The following HECW1 variants were observed in gnomAD, a reference collection of about 807,000 sequenced individuals.
The protein encoded by HECW1 is HECT, C2 and WW domain containing E3 ubiquitin protein ligase 1.
Under a neutral mutation model 182.3 loss-of-function variants are expected in HECW1, and 61 were observed. The ratio of observed to expected loss-of-function variants is 0.33; its 90% CI spans 0.27 to 0.41. The LOEUF (loss-of-function observed/expected upper bound fraction) is 0.41. HECW1 is among the 10% of genes least tolerant of loss of function. HECW1 has a pLI of 1.00. For missense variants in HECW1, 1,739 were observed against 2,108.9 expected (o/e 0.82, Z 3.44); for synonymous variants, 859 against 832.6 (o/e 1.03, Z -0.55).
chr7:43,541,669 A>G (rs1248345598), intron 25 of HECW1, among the ~76,000 whole-genome samples, 200 bp from the exon 26 acceptor site: 2 of 152,226 alleles, frequency 1.3e-5, no homozygotes, highest in East Asian at 3.8e-4. Flanking sequence ...ATTGTAAACA[A>G]TTTCACATTT....
intron 2 of HECW1, among the ~76,000 whole-genome samples, chr7:43,190,443 G>A (rs534706259): frequency 1.3e-5 from 2 of 152,268 alleles, no homozygotes; most frequent in South Asian, 4.1e-4. Flanking sequence ...AGTAGGGAAG[G>A]GGAGGGATAA....
intron 21 of HECW1, among the ~76,000 whole-genome samples, chr7:43,505,562 C>A (rs1009301600): frequency 2.0e-5 from 3 of 152,202 alleles, no homozygotes; most frequent in Admixed American, 2.0e-4. Context: ...ACCTCTCAGG[C>A]CTTGTTTTTG....
Position 43,554,636 on chromosome 7 carries a change from G to A in HECW1, c.4555G>A (p.Val1519Met), listed in dbSNP as rs765857149. Reference protein sequence around the residue: ...HLVIRWFWAAVERFNNEQRLR... With the variant: ...HLVIRWFWAAMERFNNEQRLR... The stretch of plus-strand genomic sequence containing the variant: ...TGTGATCCGCTGGTTCTGGGCTGCG[G>A]TGGAGCGCTTCAATAATGAGCAGAG... Residue 1519 changes from valine to methionine, a missense_variant, in exon 29 of 30, where the codon GTG (valine) becomes ATG (methionine). This residue lies in a region of HECW1 where 420 missense variants were observed against 595.7 expected (regional missense o/e 0.71). Transcript: ENST00000395891. The A allele has an allele frequency of 8.7e-6, 14 of 1,613,820 alleles. No individual in the cohort carries two copies. The highest frequency in any genetic ancestry group is 1.7e-5 in the Admixed American group (1 of 60,002).
intron 4 of HECW1, among the ~76,000 whole-genome samples, chr7:43,317,461 C>T (rs1248022091): frequency 1.3e-5 from 2 of 152,250 alleles, no homozygotes; most frequent in Non-Finnish European, 2.9e-5. Context: ...ATTCCAGAGG[C>T]CCTGCCTAGA....
rs568693911 is a variant in HECW1, at chr7:43,242,933, G to A, written c.-31-942G>A. Among the ~76,000 whole-genome samples the A allele has an allele frequency of 2.0e-4, 31 of 152,142 alleles. No individual in the cohort carries two copies. In the South Asian group the frequency reaches 2.5e-3, roughly 12 times the overall value. On this transcript the variant is annotated intron_variant, in intron 2 of 29. Transcript: ENST00000395891. ...AGTACGTAGATGTTGAATTCTCTCCGTCTTCTATTCAGATCTGCTTGGACC... is the reference window on the plus strand; with the variant it reads ...AGTACGTAGATGTTGAATTCTCTCCATCTTCTATTCAGATCTGCTTGGACC...
chr7:43,253,833 G>A (rs1800288511), intron 3 of HECW1, among the ~76,000 whole-genome samples: 1 of 152,164 alleles, frequency 6.6e-6, no homozygotes, highest in Non-Finnish European at 1.5e-5. Context: ...GCCTGAACCT[G>A]GAAGGCAGAG....
Position 43,536,067 on chromosome 7 carries a change from C to A in HECW1, c.4020-5096C>A, listed in dbSNP as rs1373453449. Among the ~76,000 whole-genome samples, 5 of 152,260 alleles carry A rather than the reference C, an allele frequency of 3.3e-5. No homozygotes were observed. The East Asian group carries it at 9.6e-4, about 29-fold the overall frequency. ...ACCATGAACTGTCTGTGCTCTTCAT[C>A]TGAAGGAAAACAGAGCATGCTTTCC... On this transcript the variant is annotated intron_variant, in intron 24 of 29. Transcript: ENST00000395891.
At chr7:43,504,174 C>T (rs1309443282) in intron 21 of HECW1, among the ~76,000 whole-genome samples, 1 of 152,210 alleles carries the variant, frequency 6.6e-6, no homozygotes, top group Non-Finnish European at 1.5e-5. Flanking sequence ...TCCTGGATGA[C>T]TTCAACATCG....
intron 5 of HECW1, among the ~76,000 whole-genome samples, chr7:43,324,173 G>A (rs1810493453): frequency 6.6e-6 from 1 of 152,218 alleles, no homozygotes; most frequent in African/African-American, 2.4e-5. Flanking sequence ...GACTAGCAAT[G>A]TCCCAGTGTT....
At chr7:43,392,984 G>A (rs908836490) in intron 6 of HECW1, among the ~76,000 whole-genome samples, 3 of 152,124 alleles carry the variant, frequency 2.0e-5, no homozygotes, top group Non-Finnish European at 4.4e-5. Context: ...ATGAGAATGA[G>A]AGTAGGAGAG....
chr7:43,481,716 G>T (rs2078440713), intron 17 of HECW1, among the ~76,000 whole-genome samples: 1 of 152,062 alleles, frequency 6.6e-6, no homozygotes, highest in African/African-American at 2.4e-5. Flanking sequence ...CAGGTGTGAT[G>T]GCTCACACCT....
In HECW1 at chr7:43,444,138, G is replaced by A; in HGVS notation, c.1046-80G>A. On this transcript the variant is annotated intron_variant, in intron 10 of 29. Coordinates refer to ENST00000395891, the MANE Select transcript of HECW1 (RefSeq NM_015052.5). The surrounding 1 kb of genome is among the most constrained non-coding windows in gnomAD (Gnocchi z 4.3). The stretch of plus-strand genomic sequence containing the variant: ...CTAATGTAGAAATCCCTTAGTGATG[G>A]CTTACATGTCCCACAGGGTATCCTA... 2.2e-6 allele frequency: 3 copies of A among 1,377,070 alleles called. No homozygotes were observed. The highest frequency in any genetic ancestry group is 3.0e-6 in the Non-Finnish European group (3 of 1,007,858). The allele number at this position is 1,377,070 out of a possible 1,614,324, so 85.3% of individuals were successfully genotyped here.
chr7:43,169,474 T>G (rs577936671), intron 2 of HECW1, among the ~76,000 whole-genome samples: 171 of 152,204 alleles, frequency 1.1e-3, no homozygotes, highest in Non-Finnish European at 2.1e-3. Flanking sequence ...AGATACACCC[T>G]TTTCCCCATT....
intron 2 of HECW1, among the ~76,000 whole-genome samples, chr7:43,236,356 A>G (rs745573354): frequency 5.3e-5 from 8 of 152,206 alleles, no homozygotes; most frequent in South Asian, 2.1e-4. Context: ...GTGTGAATTC[A>G]AAGTGTCTGA....
intron 24 of HECW1, among the ~76,000 whole-genome samples, chr7:43,533,705 G>T (rs769507603): frequency 6.6e-6 from 1 of 152,134 alleles, no homozygotes; most frequent in Non-Finnish European, 1.5e-5. Flanking sequence ...TCCTGCATCT[G>T]CCTCAGCCCC....
At chr7:43,166,990 G>T (rs576693809) in intron 2 of HECW1, among the ~76,000 whole-genome samples, 1 of 152,346 alleles carries the variant, frequency 6.6e-6, no homozygotes, top group South Asian at 2.1e-4. Flanking sequence ...ACGCAAGGCA[G>T]GCAAGAGGCA....
intron 2 of HECW1, among the ~76,000 whole-genome samples, chr7:43,202,324 G>A (rs75030873): frequency 8.5e-4 from 130 of 152,222 alleles, no homozygotes; most frequent in African/African-American, 2.6e-3. Flanking sequence ...AAAATTGTGT[G>A]TGCATATTTT....
Position 43,463,730 on chromosome 7 carries a change from C to T in HECW1, c.2722C>T (p.Gln908Ter). ...EEDSGSQSCEQAPAGGGGGGG... is the reference protein window; with the variant it reads ...EEDSGSQSCE Reference sequence around the variant, plus strand: ...AGATTCTGGCAGCCAAAGCTGCGAGCAAGCCCCAGCAGGAGGAGGCGGAGG... The same window carrying T: ...AGATTCTGGCAGCCAAAGCTGCGAGTAAGCCCCAGCAGGAGGAGGCGGAGG... The change falls in exon 14 of 30, where the codon CAA becomes TAA. Residue 908 changes from glutamine to a stop codon, truncating the protein, a stop_gained. Transcript: ENST00000395891. LOFTEE classifies it high-confidence loss of function. The T allele has an allele frequency of 6.2e-7, 1 of 1,613,954 alleles. No individual in the cohort carries two copies. Among genetic ancestry groups the T allele is most frequent in the South Asian group, 1.1e-5 (1 of 91,074 alleles).
chr7:43,165,397 C>CGGGG lies in HECW1; in HGVS notation c.-32+51012_-32+51015dup, dbSNP rs11451295. Among the ~76,000 whole-genome samples the CGGGG allele has an allele frequency of 7.7e-4, 106 of 137,110 alleles. 1 individual carries two copies. Among genetic ancestry groups the CGGGG allele is most frequent in the African/African-American group, 2.9e-3 (101 of 34,770 alleles). The allele number at this position is 137,110 out of a possible 152,430, so 89.9% of individuals were successfully genotyped here. A position where few individuals can be genotyped will look rare whatever the true frequency, so the allele number is the denominator to read the frequency against. ...AATGCAAAGGACACTGGGCTTTTGG[C>CGGGG]GGGGGGGGGTGTTTGTGTGTGTGCA... On this transcript the variant is annotated intron_variant, in intron 2 of 29. Transcript: ENST00000395891.
Sources: gnomAD v4.1 joint callset for allele counts (sites outside exome capture counted in the v4.1 genomes callset) on GRCh38, gnomAD v4.1.1 for gene constraint, gnomAD v4.1.1 regional missense constraint, Gnocchi (gnomAD v3.1) non-coding constraint, MANE v1.5 for transcripts, NCBI Gene and HGNC (gene_info 2026-07-23, HGNC 2026-07-21) for gene names.